Variants in THSD7B observed in about 807,000 individuals in gnomAD.
THSD7B encodes thrombospondin type-1 domain-containing protein 7B.
Under a neutral mutation model 213.6 loss-of-function variants are expected in THSD7B, and 138 were observed. The observed-to-expected ratio is 0.65, with a 90% CI of 0.56 to 0.74. The LOEUF (loss-of-function observed/expected upper bound fraction) is 0.74. THSD7B is among the 30% of genes least tolerant of loss of function. THSD7B has a pLI of 0.00. For synonymous variants in THSD7B, 742 were observed against 687.0 expected (o/e 1.08, Z -1.25); for missense variants, 1,931 against 1,991.5 (o/e 0.97, Z 0.58).
intron 10 of THSD7B, among the ~76,000 whole-genome samples, chr2:137,269,384 G>T (rs1203807409): frequency 6.6e-6 from 1 of 152,238 alleles, no homozygotes; most frequent in Non-Finnish European, 1.5e-5. Flanking sequence ...TACCGTATGT[G>T]TATGGTGTGT....
chr2:137,167,810 C>T (rs1350748676), intron 6 of THSD7B, among the ~76,000 whole-genome samples: 1 of 152,186 alleles, frequency 6.6e-6, no homozygotes, highest in Non-Finnish European at 1.5e-5. Context: ...TGTGCAGCAT[C>T]TAAAATTCCA....
chr2:137,101,454 G>C (rs540032149), intron 4 of THSD7B, among the ~76,000 whole-genome samples: 1 of 152,292 alleles, frequency 6.6e-6, no homozygotes, highest in South Asian at 2.1e-4. Flanking sequence ...AATTGTTTAA[G>C]AAGCTTTTCT....
At chr2:137,274,451 C>G (rs1185941405) in intron 11 of THSD7B, among the ~76,000 whole-genome samples, 1 of 152,038 alleles carries the variant, frequency 6.6e-6, no homozygotes. Context: ...GCGCCTTTAT[C>G]CCTATGTAGA....
intron 4 of THSD7B, among the ~76,000 whole-genome samples, chr2:137,103,649 C>T (rs963246080): frequency 6.6e-6 from 1 of 151,210 alleles, no homozygotes; most frequent in Non-Finnish European, 1.5e-5. Flanking sequence ...ATCTCACATA[C>T]AGACACACAT....
intron 3 of THSD7B, among the ~76,000 whole-genome samples, chr2:137,087,657 A>C (rs1687864380): frequency 6.6e-6 from 1 of 152,208 alleles, no homozygotes; most frequent in Non-Finnish European, 1.5e-5. Context: ...TAGATGACAC[A>C]AACAAATGGA....
Position 136,882,231 on chromosome 2 carries a change from G to A in THSD7B, c.53G>A (p.Arg18Lys). Reference sequence around the variant, plus strand: ...ACTTGCTGGGTATGGAGGAGCATGAGGAAGCTCTTTCTATTGCTTTCTCTC... The same window carrying A: ...ACTTGCTGGGTATGGAGGAGCATGAAGAAGCTCTTTCTATTGCTTTCTCTC... ...TVTCWVWRSM[R>K]KLFLLLSLLL... The change falls in exon 2 of 28, where the codon AGG becomes AAG. Residue 18 changes from arginine (R) to lysine (K), a missense_variant. Transcript: ENST00000409968. 1 of 1,544,898 alleles carries A rather than the reference G, an allele frequency of 6.5e-7. No individual in the cohort carries two copies. The highest frequency in any genetic ancestry group is 8.7e-7 in the Non-Finnish European group (1 of 1,144,544).
At chr2:136,844,281 A>G (rs544604255) in intron 1 of THSD7B, among the ~76,000 whole-genome samples, 33 of 152,276 alleles carry the variant, frequency 2.2e-4, no homozygotes, top group Admixed American at 8.5e-4. Flanking sequence ...GCTGAAAGCT[A>G]CCAGCATTCC....
intron 12 of THSD7B, among the ~76,000 whole-genome samples, chr2:137,399,972 A>G (rs938653421): frequency 1.4e-4 from 21 of 152,162 alleles, no homozygotes; most frequent in Admixed American, 1.4e-3. Flanking sequence ...TACTGGGTCT[A>G]ATCTACTATT....
Position 136,933,722 on chromosome 2 carries a change from G to C in THSD7B, c.139+51405G>C, listed in dbSNP as rs116240217. On this transcript the variant is annotated intron_variant, in intron 2 of 27. Coordinates refer to ENST00000409968, the MANE Select transcript of THSD7B (RefSeq NM_001316349.2). ...CTCTGTCCCTTTCTCTCTGTTCCCT[G>C]TCCCCCCATCCTTCAGTATTATCAC... Among the ~76,000 whole-genome samples the C allele has an allele frequency of 8.5e-3, 1,285 of 151,882 alleles. 21 individuals are homozygous for C. Among genetic ancestry groups the C allele is most frequent in the African/African-American group, 0.03 (1,230 of 41,432 alleles).
At chr2:137,373,459 CA>C (rs1685579193) in intron 12 of THSD7B, among the ~76,000 whole-genome samples, 1 of 152,306 alleles carries the variant, frequency 6.6e-6, no homozygotes, top group East Asian at 1.9e-4. Flanking sequence ...TGATGGTGAG[CA>C]TTTTTTCATG....
chr2:136,841,989 G>A (rs537474244), intron 1 of THSD7B, among the ~76,000 whole-genome samples: 2 of 152,240 alleles, frequency 1.3e-5, no homozygotes, highest in East Asian at 3.9e-4. Context: ...AAGAAATGAA[G>A]GGATCAGTTC....
At chr2:137,141,177 T>C (rs1321515080) in intron 5 of THSD7B, among the ~76,000 whole-genome samples, 4 of 152,072 alleles carry the variant, frequency 2.6e-5, no homozygotes, top group Non-Finnish European at 4.4e-5. Flanking sequence ...CTGAGATGTA[T>C]TGGCCGAGGC....
intron 5 of THSD7B, among the ~76,000 whole-genome samples, chr2:137,126,962 T>A (rs10203341): frequency 0.52 from 78,395 of 151,914 alleles, 21,563 homozygotes; most frequent in Non-Finnish European, 0.6. Flanking sequence ...ACAACATTTA[T>A]TGATTAAGTT....
intron 3 of THSD7B, among the ~76,000 whole-genome samples, chr2:137,066,799 C>T (rs1687391736): frequency 6.6e-6 from 1 of 152,108 alleles, no homozygotes; most frequent in Admixed American, 6.6e-5. Flanking sequence ...TATTTTCTCT[C>T]TTTATTTTCC....
chr2:136,921,754 AT>A (rs1684442118), intron 2 of THSD7B, among the ~76,000 whole-genome samples: 1 of 152,286 alleles, frequency 6.6e-6, no homozygotes, highest in African/African-American at 2.4e-5. Flanking sequence ...TTTTGCAACT[AT>A]TTGTGAAACA....
At chr2:136,799,999 T>C (rs1682147127) in intron 1 of THSD7B, among the ~76,000 whole-genome samples, 1 of 151,930 alleles carries the variant, frequency 6.6e-6, no homozygotes, top group Non-Finnish European at 1.5e-5. Flanking sequence ...AAAAAATATA[T>C]AGAGCTCCCT....
intron 1 of THSD7B, among the ~76,000 whole-genome samples, chr2:136,810,795 T>A (rs549231574): frequency 6.6e-6 from 1 of 152,352 alleles, no homozygotes; most frequent in South Asian, 2.1e-4. Context: ...ATTGGCACAG[T>A]ACCCAACTTG....
At chr2:137,305,345 T>C (rs1683715892) in intron 12 of THSD7B, among the ~76,000 whole-genome samples, 1 of 152,090 alleles carries the variant, frequency 6.6e-6, no homozygotes, top group Admixed American at 6.5e-5. Context: ...TGTAAGGCTG[T>C]CATCTCTGCA....
At chr2:137,188,553 AGAAAG>A (rs1328478264) in intron 7 of THSD7B, among the ~76,000 whole-genome samples, 2 of 152,240 alleles carry the variant, frequency 1.3e-5, no homozygotes, top group African/African-American at 4.8e-5. Context: ...ACATTACCAT[AGAAAG>A]GGCTGCAGGC....
Sources: gnomAD v4.1 joint callset for allele counts (sites outside exome capture counted in the v4.1 genomes callset) on GRCh38, gnomAD v4.1.1 for gene constraint, MANE v1.5 for transcripts, NCBI Gene and HGNC (gene_info 2026-07-23, HGNC 2026-07-21) for gene names.